Variants in MRAP2 observed in about 807,000 individuals in gnomAD.
The protein encoded by MRAP2 is melanocortin-2 receptor accessory protein 2.
A neutral mutation model predicts 17.4 loss-of-function variants in MRAP2; 20 were observed. The ratio of observed to expected loss-of-function variants is 1.15; its 90% CI spans 0.81 to 1.67. The LOEUF (loss-of-function observed/expected upper bound fraction) is 1.67. Ranked by LOEUF, MRAP2 falls within the 40% of genes most tolerant of loss-of-function variation. MRAP2 has a pLI of 0.00. For missense variants in MRAP2, 238 were observed against 240.0 expected (o/e 0.99, Z 0.05); for synonymous variants, 96 against 88.4 (o/e 1.09, Z -0.48).
chr6:84,093,569 C>CTTGT (rs565127339), downstream of MRAP2, among the ~76,000 whole-genome samples: 1,579 of 152,276 alleles, frequency 0.01, 33 homozygotes, highest in African/African-American at 0.036. Context: ...AGGAAGTCAG[C>CTTGT]ACTGCACAAG....
At chr6:84,136,834 G>A in the MRAP2 span, among the ~76,000 whole-genome samples, 2 of 152,182 alleles carry the variant, frequency 1.3e-5, no homozygotes, top group South Asian at 4.1e-4. Flanking sequence ...TTCTGCATGA[G>A]AAACTGACCT....
At chr6:84,105,128 T>A in the MRAP2 span, among the ~76,000 whole-genome samples, 12 of 152,200 alleles carry the variant, frequency 7.9e-5, no homozygotes, top group Non-Finnish European at 8.8e-5. Flanking sequence ...CACATTTTCC[T>A]GTCTTCTTCT....
the MRAP2 span, among the ~76,000 whole-genome samples, chr6:84,144,661 A>G: frequency 6.6e-6 from 1 of 152,236 alleles, no homozygotes; most frequent in East Asian, 1.9e-4. Flanking sequence ...TAATGAAAAG[A>G]TTGATTGGTT....
intron 2 of MRAP2, among the ~76,000 whole-genome samples, chr6:84,060,316 T>G (rs528974708): frequency 1.2e-3 from 188 of 152,194 alleles, no homozygotes; most frequent in Middle Eastern, 6.8e-3. Flanking sequence ...TTTTTGATTA[T>G]CTCCCTGGGG....
the MRAP2 span, among the ~76,000 whole-genome samples, chr6:84,109,956 A>T: frequency 6.6e-6 from 1 of 152,272 alleles, no homozygotes; most frequent in Non-Finnish European, 1.5e-5. Context: ...GCTGCATAGT[A>T]TTCCATGGTG....
chr6:84,042,468 T>G (rs1456577698), intron 1 of MRAP2, among the ~76,000 whole-genome samples: 1 of 152,196 alleles, frequency 6.6e-6, no homozygotes, highest in Non-Finnish European at 1.5e-5. Context: ...CTCTGTAACA[T>G]ATCTGCACTT....
chr6:84,062,499 A>G (rs1052351160), intron 2 of MRAP2: 43 of 973,242 alleles, frequency 4.4e-5, no homozygotes, highest in Non-Finnish European at 4.8e-5. Context: ...ATTTGTCTAA[A>G]GTTTTTCTTT....
At chr6:84,132,630 C>T in the MRAP2 span, among the ~76,000 whole-genome samples, 22 of 152,248 alleles carry the variant, frequency 1.4e-4, no homozygotes, top group African/African-American at 5.1e-4. Flanking sequence ...TCCACTTGAT[C>T]GAATTGGCTA....
At chr6:84,044,112 G>A (rs943812118) in intron 1 of MRAP2, among the ~76,000 whole-genome samples, 1 of 152,122 alleles carries the variant, frequency 6.6e-6, no homozygotes. Flanking sequence ...ATTAGTTTCA[G>A]CACCTATATG....
the MRAP2 span, among the ~76,000 whole-genome samples, chr6:84,135,633 C>T: frequency 1.1e-4 from 17 of 152,228 alleles, no homozygotes; most frequent in East Asian, 1.5e-3. Context: ...GAGGCTGAGA[C>T]GGGTGAATCA....
At chr6:84,107,315 A>G in the MRAP2 span, among the ~76,000 whole-genome samples, 5 of 152,208 alleles carry the variant, frequency 3.3e-5, no homozygotes, top group Non-Finnish European at 7.3e-5. Context: ...AGGAGCGGCC[A>G]GAAGCAAGAA....
intron 3 of MRAP2, among the ~76,000 whole-genome samples, chr6:84,084,168 A>G (rs1209170034): frequency 6.6e-6 from 1 of 152,208 alleles, no homozygotes; most frequent in Admixed American, 6.5e-5. Context: ...GCTAAATTGT[A>G]TAAGAAAAAT....
At chr6:84,136,819 T>C in the MRAP2 span, among the ~76,000 whole-genome samples, 9 of 152,214 alleles carry the variant, frequency 5.9e-5, no homozygotes, top group Non-Finnish European at 1.3e-4. Flanking sequence ...CAGATAACTT[T>C]TTTCTTCTGC....
chr6:84,106,801 G>C, the MRAP2 span, among the ~76,000 whole-genome samples: 1 of 152,140 alleles, frequency 6.6e-6, no homozygotes, highest in African/African-American at 2.4e-5. Context: ...TCCATTTGAT[G>C]ATGGAGTGCT....
chr6:84,075,421 T>G (rs963276385), intron 3 of MRAP2, among the ~76,000 whole-genome samples: 2 of 152,204 alleles, frequency 1.3e-5, no homozygotes, highest in Non-Finnish European at 2.9e-5. Context: ...TGATGGGGAT[T>G]ATTTTTTCCA....
the MRAP2 span, among the ~76,000 whole-genome samples, chr6:84,116,171 G>T: frequency 6.6e-6 from 1 of 152,232 alleles, no homozygotes; most frequent in South Asian, 2.1e-4. Flanking sequence ...TGTTGAATAG[G>T]AGTGGTGAGA....
At chr6:84,067,730 GTTTTTT>G (rs57643473) in intron 3 of MRAP2, among the ~76,000 whole-genome samples, 1 of 125,632 alleles carries the variant, frequency 8.0e-6, no homozygotes, top group African/African-American at 3.0e-5. Flanking sequence ...GGATGGAATT[GTTTTTT>G]TTTTTTTTTT....
At chr6:84,125,018 C>A in the MRAP2 span, 1 of 1,343,054 alleles carries the variant, frequency 7.4e-7, no homozygotes, top group South Asian at 1.2e-5. Context: ...GTGGCACAAT[C>A]CCATCCATCT....
At chr6:84,059,599 C>T (rs2099492574) in intron 2 of MRAP2, among the ~76,000 whole-genome samples, 1 of 152,218 alleles carries the variant, frequency 6.6e-6, no homozygotes, top group Non-Finnish European at 1.5e-5. Flanking sequence ...CAACTTTCAG[C>T]TCTCTTGTTC....
Sources: allele counts gnomAD v4.1 joint callset (sites outside exome capture counted in the v4.1 genomes callset), GRCh38; gene constraint gnomAD v4.1.1; transcripts MANE v1.5; gene names NCBI Gene and HGNC (gene_info 2026-07-23, HGNC 2026-07-21).